The following NAA25 variants were observed in gnomAD, a reference collection of about 807,000 sequenced individuals.
The protein encoded by NAA25 is N-alpha-acetyltransferase 25, NatB auxiliary subunit.
In NAA25, 30 loss-of-function variants were observed where a neutral mutation model predicts 132.5. The ratio of observed to expected loss-of-function variants is 0.23; its 90% CI spans 0.17 to 0.31. The LOEUF (loss-of-function observed/expected upper bound fraction) is 0.31. NAA25 is among the 10% of genes least tolerant of loss of function. The pLI is 1.00. For synonymous variants in NAA25, 359 were observed against 401.9 expected (o/e 0.89, Z 1.28); for missense variants, 771 against 1,150.4 (o/e 0.67, Z 4.77).
chr12:112,106,811 G>A (rs923275109), intron 1 of NAA25, among the ~76,000 whole-genome samples: 15 of 151,742 alleles, frequency 9.9e-5, no homozygotes, highest in African/African-American at 1.7e-4. Flanking sequence ...AAAATTAGCC[G>A]GCATGGTGGC....
chr12:112,064,554 C>T (rs1000391686), intron 11 of NAA25, among the ~76,000 whole-genome samples: 2 of 152,074 alleles, frequency 1.3e-5, no homozygotes, highest in Admixed American at 1.3e-4. Context: ...TGATTAAATG[C>T]TTCTATAGTT....
chr12:112,029,809 A>G (rs2078125800), intron 23 of NAA25, among the ~76,000 whole-genome samples, 156 bp from the exon 24 acceptor site: 1 of 152,222 alleles, frequency 6.6e-6, no homozygotes, highest in African/African-American at 2.4e-5. Context: ...AAATGCAAAG[A>G]AGGCAAAAGG....
intron 20 of NAA25, among the ~76,000 whole-genome samples, chr12:112,041,044 G>A (rs1291259594): frequency 6.6e-6 from 1 of 151,940 alleles, no homozygotes; most frequent in Non-Finnish European, 1.5e-5. Context: ...AGCCACGCTT[G>A]GTGGTGCACG....
chr12:112,072,476 G>A (rs1452751083), intron 9 of NAA25, among the ~76,000 whole-genome samples: 1 of 151,832 alleles, frequency 6.6e-6, no homozygotes, highest in African/African-American at 2.4e-5. Flanking sequence ...GGGCGTGGTG[G>A]CATGCACCTG....
chr12:112,103,561 G>A (rs1593845248), intron 1 of NAA25, among the ~76,000 whole-genome samples: 1 of 152,156 alleles, frequency 6.6e-6, no homozygotes, highest in African/African-American at 2.4e-5. Context: ...CTACAGAAAC[G>A]CAAGATAGTC....
chr12:112,062,727 A>T (rs887528006), intron 11 of NAA25, among the ~76,000 whole-genome samples: 1 of 142,016 alleles, frequency 7.0e-6, no homozygotes, highest in Non-Finnish European at 1.5e-5. Flanking sequence ...ACTCCGTATT[A>T]AAAAAAAAAA....
chr12:112,042,059 G>T lies in NAA25; in HGVS notation c.2420C>A (p.Ser807Tyr). ...CTTACCTTTTAACTGGTCTAGTAAA[G>T]ACTTAAAACTATTTTCTATTCGTTC... ...IQERIENSFK[S>Y]LLDQLKDVFS... Residue 807 changes from serine to tyrosine, a missense_variant, in exon 20 of 24, where the codon TCT (serine) becomes TAT (tyrosine). By Grantham distance (144) the Ser-to-Tyr change is moderately radical. Around this residue, in one of 3 missense-constraint regions of NAA25, gnomAD observed 324 missense variants for 400.0 expected, o/e 0.81. Transcript: ENST00000261745. The T allele has an allele frequency of 2.0e-6, 3 of 1,484,302 alleles. No homozygotes were observed. Among genetic ancestry groups the T allele is most frequent in the Non-Finnish European group, 1.8e-6 (2 of 1,118,716 alleles). 91.9% of individuals were successfully genotyped at this position (1,484,302 alleles called of 1,614,324 possible).
chr12:112,029,297 T>C lies in NAA25; in HGVS notation c.*234A>G, dbSNP rs2078119645. On this transcript the variant is annotated 3_prime_UTR_variant, in exon 24 of 24. Transcript: ENST00000261745. ...TTCTCTTGTTGCTGCCATATGCATA[T>C]GAACATGTATAAAAAGTGGTCAAAC... 1.9e-6 allele frequency: 1 copy of C among 525,302 alleles called. No homozygotes were observed. Among genetic ancestry groups the C allele is most frequent in the Non-Finnish European group, 3.3e-6 (1 of 301,996 alleles). 32.5% of individuals were successfully genotyped at this position (525,302 alleles called of 1,614,324 possible). A position where few individuals can be genotyped will look rare whatever the true frequency, so the allele number is the denominator to read the frequency against.
rs1555238727 is a variant in NAA25 at position 112,086,073 on chromosome 12, T to TACACAC, written c.402+1604_402+1609dup. Among the ~76,000 whole-genome samples the TACACAC allele has an allele frequency of 4.2e-3, 223 of 53,578 alleles. 7 individuals are homozygous for TACACAC. Among genetic ancestry groups the TACACAC allele is most frequent in the South Asian group, 0.013 (13 of 996 alleles). The allele number at this position is 53,578 out of a possible 152,430, so 35.1% of individuals were successfully genotyped here. ...AAAAATATATATATATATATATATA[T>TACACAC]ACACACACACACACACACACACACA... On this transcript the variant is annotated intron_variant, in intron 4 of 23. Coordinates refer to ENST00000261745, the MANE Select transcript of NAA25 (RefSeq NM_024953.4).
At chr12:112,087,394 A>T (rs973631387) in intron 4 of NAA25, among the ~76,000 whole-genome samples, 1 of 152,224 alleles carries the variant, frequency 6.6e-6, no homozygotes, top group African/African-American at 2.4e-5. Flanking sequence ...AAAATTTAAC[A>T]GCAATCTGAT....
chr12:112,107,561 T>C (rs2079380707), intron 1 of NAA25, among the ~76,000 whole-genome samples: 1 of 148,420 alleles, frequency 6.7e-6, no homozygotes, highest in Non-Finnish European at 1.5e-5. Flanking sequence ...TCAAATGAGA[T>C]GTGAGAGTAA....
intron 11 of NAA25, chr12:112,065,437 T>G (rs972506751): frequency 6.6e-6 from 1 of 151,424 alleles, no homozygotes; most frequent in Non-Finnish European, 1.5e-5. Flanking sequence ...AGGCAGAGGT[T>G]ACAGTGAGTG....
chr12:112,100,293 C>G (rs2079273845), intron 1 of NAA25, among the ~76,000 whole-genome samples: 1 of 152,142 alleles, frequency 6.6e-6, no homozygotes, highest in African/African-American at 2.4e-5. Flanking sequence ...TCCTGAGCAG[C>G]TGGGACTACA....
At position 112,049,086 on chromosome 12, in the gene NAA25, C is replaced by T. The variant is rs549903558; in HGVS notation, c.1729-643G>A. Among the ~76,000 whole-genome samples the T allele has an allele frequency of 2.6e-5, 4 of 152,188 alleles. No individual in the cohort carries two copies. Among genetic ancestry groups the T allele is most frequent in the Admixed American group, 2.0e-4 (3 of 15,282 alleles). ...CCAAGTTTCTTGTCCATCTACATTA[C>T]GTAAGACCTCTGCTGGAAATTTCCT... On this transcript the variant is annotated intron_variant, in intron 15 of 23. Transcript: ENST00000261745. This position sits in a 1 kb window ranked among gnomAD's most constrained non-coding sequence, Gnocchi z 4.7.
intron 13 of NAA25, among the ~76,000 whole-genome samples, 198 bp from the exon 14 acceptor site, chr12:112,054,766 A>C (rs1469533847): frequency 1.3e-5 from 2 of 152,222 alleles, no homozygotes; most frequent in African/African-American, 4.8e-5. Flanking sequence ...AGTTAAGTCT[A>C]TTCTTAAACA....
chr12:112,083,963 G>A (rs542649594), intron 4 of NAA25, among the ~76,000 whole-genome samples: 1 of 152,148 alleles, frequency 6.6e-6, no homozygotes, highest in Non-Finnish European at 1.5e-5. Flanking sequence ...GACATACAGA[G>A]ATAAAAATAT....
At chr12:112,075,608 C>T in intron 8 of NAA25, 70 bp downstream of exon 8, 1 of 1,266,384 alleles carries the variant, frequency 7.9e-7, no homozygotes, top group Non-Finnish European at 1.1e-6. Flanking sequence ...ACACAGACAC[C>T]AAGAAAATCA....
At chr12:112,083,760 T>TA (rs2079005573) in intron 4 of NAA25, among the ~76,000 whole-genome samples, 1 of 152,018 alleles carries the variant, frequency 6.6e-6, no homozygotes, top group African/African-American at 2.4e-5. Context: ...ACCGGCTGGG[T>TA]ACAGTGGCTC....
At position 112,103,131 on chromosome 12, in the gene NAA25, C is replaced by T. The variant is rs573867533; in HGVS notation, c.58+5585G>A. Among the ~76,000 whole-genome samples the T allele has an allele frequency of 1.4e-4, 22 of 152,242 alleles. No individual in the cohort carries two copies. The South Asian group carries it at 3.5e-3, about 24-fold the overall frequency. On this transcript the variant is annotated intron_variant, in intron 1 of 23. Transcript: ENST00000261745. ...CCTCCTGAGTAGCTGGGGTTACAGG[C>T]GCCTGCCACCACACCTGGCTAATTT...
Sources: allele counts gnomAD v4.1 joint callset (sites outside exome capture counted in the v4.1 genomes callset), GRCh38; gene constraint gnomAD v4.1.1; regional missense constraint gnomAD v4.1.1; non-coding constraint Gnocchi (gnomAD v3.1); transcripts MANE v1.5; gene names NCBI Gene and HGNC (gene_info 2026-07-23, HGNC 2026-07-21).